Variants in DNM3 observed in about 807,000 individuals in gnomAD.
The protein encoded by DNM3 is dynamin-3.
Under a neutral mutation model 101.6 loss-of-function variants are expected in DNM3, and 47 were observed. That is an observed-to-expected ratio of 0.46 (90% CI 0.37 to 0.59). DNM3 has a LOEUF of 0.59. Ranked by LOEUF, DNM3 falls within the 20% of genes least tolerant of loss-of-function variation. The pLI is 0.00. For missense variants in DNM3, 849 were observed against 1,085.7 expected (o/e 0.78, Z 3.06); for synonymous variants, 385 against 387.9 (o/e 0.99, Z 0.09).
At chr1:171,975,232 C>T (rs1480043855) in intron 2 of DNM3, among the ~76,000 whole-genome samples, 1 of 152,112 alleles carries the variant, frequency 6.6e-6, no homozygotes, top group Non-Finnish European at 1.5e-5. Flanking sequence ...ATTATTTCTA[C>T]CATTTCTAAG....
intron 13 of DNM3, among the ~76,000 whole-genome samples, chr1:172,097,844 T>C (rs1407877410): frequency 6.6e-6 from 1 of 152,098 alleles, no homozygotes; most frequent in African/African-American, 2.4e-5. Context: ...AAGCTGGGTG[T>C]CCAGGGGAGA....
intron 14 of DNM3, among the ~76,000 whole-genome samples, chr1:172,226,791 A>T (rs530340821): frequency 1.3e-5 from 2 of 152,170 alleles, no homozygotes; most frequent in African/African-American, 4.8e-5. Flanking sequence ...TAATGATGCA[A>T]GTCATATTTC....
intron 11 of DNM3, among the ~76,000 whole-genome samples, chr1:172,071,835 T>C (rs1400141512): frequency 1.3e-5 from 2 of 152,034 alleles, no homozygotes. Flanking sequence ...AAATATTCAA[T>C]AACTGTGGAT....
intron 12 of DNM3, among the ~76,000 whole-genome samples, chr1:172,082,325 G>GTT (rs57661109): frequency 3.7e-5 from 5 of 136,936 alleles, no homozygotes; most frequent in Non-Finnish European, 4.8e-5. Flanking sequence ...CTAGAGGCCT[G>GTT]TTTTTTTTTT....
At chr1:171,969,594 A>G (rs924112062) in intron 2 of DNM3, among the ~76,000 whole-genome samples, 1 of 152,096 alleles carries the variant, frequency 6.6e-6, no homozygotes, top group Non-Finnish European at 1.5e-5. Flanking sequence ...AAATAATTGC[A>G]TTTCTTTGAT....
chr1:172,125,118 G>T (rs1351640299), intron 13 of DNM3, among the ~76,000 whole-genome samples: 1 of 152,138 alleles, frequency 6.6e-6, no homozygotes, highest in East Asian at 1.9e-4. Context: ...AGAAGCAGCT[G>T]CTTATCTACT....
At chr1:172,234,451 A>G (rs956383502) in intron 14 of DNM3, among the ~76,000 whole-genome samples, 5 of 152,166 alleles carry the variant, frequency 3.3e-5, no homozygotes, top group Non-Finnish European at 5.9e-5. Flanking sequence ...GAAAATGGCC[A>G]TACTGCCCAA....
intron 4 of DNM3, among the ~76,000 whole-genome samples, chr1:171,997,008 G>A (rs1202248568): frequency 6.6e-6 from 1 of 151,958 alleles, no homozygotes; most frequent in Non-Finnish European, 1.5e-5. Flanking sequence ...CTCCAGCCTA[G>A]GTGACAGAGT....
intron 17 of DNM3, among the ~76,000 whole-genome samples, chr1:172,371,474 T>A (rs1359779709): frequency 2.6e-5 from 4 of 152,076 alleles, no homozygotes; most frequent in African/African-American, 9.7e-5. Context: ...GTCATTTACA[T>A]CATTTATCTC....
intron 14 of DNM3, chr1:172,139,144 T>G: frequency 6.4e-6 from 2 of 314,276 alleles, no homozygotes; most frequent in South Asian, 5.0e-5. Context: ...CACATTAAAA[T>G]TTTAAGGAAA....
intron 4 of DNM3, among the ~76,000 whole-genome samples, chr1:171,997,893 G>T (rs2125657260): frequency 6.6e-6 from 1 of 152,132 alleles, no homozygotes; most frequent in East Asian, 1.9e-4. Context: ...TTTATGAAAT[G>T]AACATTTTCA....
At chr1:172,116,919 C>T (rs1330122148) in intron 13 of DNM3, among the ~76,000 whole-genome samples, 1 of 152,070 alleles carries the variant, frequency 6.6e-6, no homozygotes, top group Non-Finnish European at 1.5e-5. Flanking sequence ...TAAAAGTCTT[C>T]ACTGGGCCGG....
intron 15 of DNM3, among the ~76,000 whole-genome samples, chr1:172,259,043 A>G (rs1020017697): frequency 2.0e-5 from 3 of 151,500 alleles, no homozygotes; most frequent in Non-Finnish European, 2.9e-5. Flanking sequence ...CTTTCCATGT[A>G]TTTGTACTGT....
intron 20 of DNM3, among the ~76,000 whole-genome samples, chr1:172,406,741 C>G (rs2070918512): frequency 2.0e-5 from 3 of 151,928 alleles, no homozygotes; most frequent in Admixed American, 6.6e-5. Flanking sequence ...TTTCTAACTT[C>G]ACTTCTTCAT....
intron 11 of DNM3, among the ~76,000 whole-genome samples, chr1:172,080,065 G>A (rs778500411): frequency 4.6e-5 from 7 of 152,218 alleles, no homozygotes; most frequent in African/African-American, 7.2e-5. Flanking sequence ...GTTGATCCCT[G>A]CTGGAAGGTG....
At chr1:172,106,847 CTTTTT>C (rs1165611083) in intron 13 of DNM3, among the ~76,000 whole-genome samples, 4,595 of 67,920 alleles carry the variant, frequency 0.068, 66 homozygotes, top group Non-Finnish European at 0.092. Flanking sequence ...TAACATTATT[CTTTTT>C]TTTTTTTTTT....
At chr1:171,901,573 A>G (rs12032897) in intron 1 of DNM3, among the ~76,000 whole-genome samples, 69,587 of 151,942 alleles carry the variant, frequency 0.46, 16,097 homozygotes, top group East Asian at 0.66. Context: ...CGAAGGAGGG[A>G]CAGACATGTC....
intron 18 of DNM3, among the ~76,000 whole-genome samples, chr1:172,385,526 C>T (rs1280760573): frequency 1.3e-5 from 2 of 152,214 alleles, no homozygotes; most frequent in African/African-American, 4.8e-5. Context: ...ACCTTTGAAT[C>T]ACTCTTGGTT....
In DNM3 at chr1:172,209,188, A is replaced by G. The variant is rs182121181; in HGVS notation, c.1660-44385A>G. On this transcript the variant is annotated intron_variant, in intron 14 of 20. Coordinates refer to ENST00000627582, the MANE Select transcript of DNM3 (RefSeq NM_015569.5). Reference sequence around the variant, plus strand: ...ATAAGAAGAGTAATTTTGACATACAATGAGACACCAAGGTCCCCACACAGA... The same window carrying G: ...ATAAGAAGAGTAATTTTGACATACAGTGAGACACCAAGGTCCCCACACAGA... Among the ~76,000 whole-genome samples, 38 of 152,122 alleles carry G rather than the reference A, an allele frequency of 2.5e-4. No individual in the cohort carries two copies. The East Asian group carries it at 2.5e-3, about 10-fold the overall frequency.
Sources: gnomAD v4.1 joint callset for allele counts (sites outside exome capture counted in the v4.1 genomes callset) on GRCh38, gnomAD v4.1.1 for gene constraint, MANE v1.5 for transcripts, NCBI Gene and HGNC (gene_info 2026-07-23, HGNC 2026-07-21) for gene names.